Variants in PRKN observed in about 807,000 individuals in gnomAD.
The protein encoded by PRKN is E3 ubiquitin-protein ligase parkin.
In PRKN, 56 loss-of-function variants were observed where a neutral mutation model predicts 59.5. The ratio of observed to expected loss-of-function variants is 0.94; its 90% confidence interval spans 0.76 to 1.18. The LOEUF (loss-of-function observed/expected upper bound fraction) is 1.18. PRKN is among the 50% of genes most tolerant of loss of function. The probability of loss-of-function intolerance (pLI) is 0.00; values close to 1 mark genes in which losing one functional copy is unlikely to be tolerated. For missense variants in PRKN, 657 were observed against 596.4 expected (o/e 1.10, Z -1.06); for synonymous variants, 250 against 222.1 (o/e 1.13, Z -1.12).
At position 162,411,076 on chromosome 6, in the gene PRKN, C is replaced by T. The variant is rs138891208; in HGVS notation, c.171+32234G>A. Among the ~76,000 whole-genome samples the T allele has an allele frequency of 8.6e-5, 13 of 152,034 alleles. No homozygotes were observed. In the South Asian group the frequency reaches 1.0e-3, roughly 12 times the overall value. ...GGGTTTCACAGTGATCTACCTACAG[C>T]GACATGTTATTTTAAATTACAATAA... On this transcript the variant is annotated intron_variant, in intron 2 of 11. Coordinates refer to ENST00000366898, the MANE Select transcript of PRKN (RefSeq NM_004562.3).
chr6:162,272,790 G>C (rs1274757708), intron 2 of PRKN, among the ~76,000 whole-genome samples: 4 of 151,936 alleles, frequency 2.6e-5, no homozygotes, highest in Non-Finnish European at 4.4e-5. Context: ...CCGAGGTCAG[G>C]GGTTCAAGAC....
At chr6:162,178,215 C>T (rs924050865) in intron 4 of PRKN, among the ~76,000 whole-genome samples, 1 of 152,178 alleles carries the variant, frequency 6.6e-6, no homozygotes, top group Non-Finnish European at 1.5e-5. Flanking sequence ...GTGGGTCATC[C>T]GTAAAATGTT....
intron 1 of PRKN, among the ~76,000 whole-genome samples, chr6:162,459,938 C>T (rs1791076024): frequency 1.3e-5 from 2 of 152,194 alleles, no homozygotes; most frequent in Admixed American, 1.3e-4. Flanking sequence ...GCTACCGCCA[C>T]TTTGGAAAAC....
At chr6:162,241,743 C>T (rs1778998949) in intron 3 of PRKN, among the ~76,000 whole-genome samples, 3 of 152,074 alleles carry the variant, frequency 2.0e-5, no homozygotes, top group Admixed American at 6.5e-5. Context: ...TGATATCCAA[C>T]ATATATATAC....
chr6:161,791,264 T>C (rs569739182), intron 6 of PRKN, among the ~76,000 whole-genome samples: 12 of 152,350 alleles, frequency 7.9e-5, no homozygotes, highest in African/African-American at 2.6e-4. Flanking sequence ...GTTTGCAGAA[T>C]ATTTAAGCAC....
intron 3 of PRKN, among the ~76,000 whole-genome samples, chr6:162,249,992 A>G (rs1779356515): frequency 6.6e-6 from 1 of 152,012 alleles, no homozygotes; most frequent in African/African-American, 2.4e-5. Flanking sequence ...CTAAAAATAC[A>G]AAAGTTAGCC....
chr6:161,994,517 A>C (rs886429942), intron 5 of PRKN, among the ~76,000 whole-genome samples: 2 of 152,152 alleles, frequency 1.3e-5, no homozygotes, highest in Non-Finnish European at 2.9e-5. Context: ...AACTGGAAAA[A>C]AGAAAGTCAA....
intron 1 of PRKN, among the ~76,000 whole-genome samples, chr6:162,686,704 G>C (rs1424802313): frequency 6.6e-6 from 1 of 152,176 alleles, no homozygotes; most frequent in African/African-American, 2.4e-5. Flanking sequence ...TTGCACCCAG[G>C]AGTTCAAGAC....
chr6:161,361,076 G>A lies in PRKN; in HGVS notation c.1168-871C>T, dbSNP rs1784959762. On this transcript the variant is annotated intron_variant, in intron 10 of 11. Coordinates refer to ENST00000366898, the MANE Select transcript of PRKN (RefSeq NM_004562.3). This position sits in a 1 kb window ranked among gnomAD's most constrained non-coding sequence, Gnocchi z 5.2. ...ATGTATAAGGAGGTTTTCTGGTGGGGGTGGAAGCAAGAGGTCCTGGGCTAG... is the reference window on the plus strand; with the variant it reads ...ATGTATAAGGAGGTTTTCTGGTGGGAGTGGAAGCAAGAGGTCCTGGGCTAG... Among the ~76,000 whole-genome samples, 1 of 151,932 alleles carries A rather than the reference G, an allele frequency of 6.6e-6. No homozygotes were observed. Among genetic ancestry groups the A allele is most frequent in the Non-Finnish European group, 1.5e-5 (1 of 68,008 alleles).
At chr6:162,569,779 C>T in intron 1 of PRKN, 1 of 490,904 alleles carries the variant, frequency 2.0e-6, no homozygotes, top group Non-Finnish European at 3.8e-6. Context: ...TGCCCCAGAG[C>T]CTGGGAGGGA....
chr6:162,008,503 G>A (rs1782350854), intron 5 of PRKN, among the ~76,000 whole-genome samples: 1 of 152,148 alleles, frequency 6.6e-6, no homozygotes, highest in Non-Finnish European at 1.5e-5. Context: ...ATCATGTTCA[G>A]TGTTGTTACA....
chr6:162,588,403 A>G (rs925598090), intron 1 of PRKN, among the ~76,000 whole-genome samples: 1 of 152,010 alleles, frequency 6.6e-6, no homozygotes, highest in African/African-American at 2.4e-5. Flanking sequence ...AAAAAAAAAA[A>G]GCAAACAATA....
At chr6:162,189,983 G>T (rs192797449) in intron 4 of PRKN, among the ~76,000 whole-genome samples, 16 of 152,116 alleles carry the variant, frequency 1.1e-4, no homozygotes, top group East Asian at 1.9e-4. Flanking sequence ...ATGCACAACT[G>T]AAGATTCATA....
At chr6:162,315,835 CTATT>C (rs1358260094) in intron 2 of PRKN, among the ~76,000 whole-genome samples, 2 of 152,166 alleles carry the variant, frequency 1.3e-5, no homozygotes, top group Non-Finnish European at 2.9e-5. Flanking sequence ...TAGTCCAAAT[CTATT>C]TACTTAGAAA....
intron 2 of PRKN, among the ~76,000 whole-genome samples, chr6:162,350,616 T>C (rs1183443255): frequency 6.6e-6 from 1 of 152,148 alleles, no homozygotes; most frequent in African/African-American, 2.4e-5. Context: ...CAATTAGAGA[T>C]TGATATGCAA....
In PRKN at chr6:161,445,983, T is replaced by G. The variant is rs1408633621; in HGVS notation, c.1084-59106A>C. ...GCATAAACAAAGAGGAGAGGCAAAC[T>G]GTTTGAGCCCAGGAGTTTGAGACCA... On this transcript the variant is annotated intron_variant, in intron 9 of 11. Coordinates refer to ENST00000366898, the MANE Select transcript of PRKN (RefSeq NM_004562.3). The surrounding 1 kb of genome is among the most constrained non-coding windows in gnomAD (Gnocchi z 7.7). 1.3e-5 allele frequency among the ~76,000 whole-genome samples: 2 copies of G among 151,814 alleles called. No individual in the cohort carries two copies. Among genetic ancestry groups the G allele is most frequent in the Non-Finnish European group, 2.9e-5 (2 of 67,954 alleles).
intron 9 of PRKN, among the ~76,000 whole-genome samples, chr6:161,509,006 A>T (rs1219921234): frequency 6.6e-6 from 1 of 152,004 alleles, no homozygotes; most frequent in Admixed American, 6.5e-5. Flanking sequence ...CACCATGCCC[A>T]GCTAATTTTG....
intron 6 of PRKN, among the ~76,000 whole-genome samples, chr6:161,801,051 GACA>G (rs1043970048): frequency 2.6e-5 from 4 of 151,988 alleles, no homozygotes; most frequent in African/African-American, 4.8e-5. Context: ...CCCCTCCCAT[GACA>G]ACAACAGTGA....
intron 5 of PRKN, among the ~76,000 whole-genome samples, chr6:161,985,762 C>T (rs1781411686): frequency 6.6e-6 from 1 of 152,182 alleles, no homozygotes; most frequent in African/African-American, 2.4e-5. Context: ...CTCCTTGCCT[C>T]ACTGCCTCCC....
Sources: allele counts gnomAD v4.1 joint callset (sites outside exome capture counted in the v4.1 genomes callset), GRCh38; gene constraint gnomAD v4.1.1; non-coding constraint Gnocchi (gnomAD v3.1); transcripts MANE v1.5; gene names NCBI Gene and HGNC (gene_info 2026-07-23, HGNC 2026-07-21).